Variants in BNIP5 observed in about 807,000 individuals in gnomAD.
BNIP5 encodes the protein BCL2 interacting protein 5.
In BNIP5, 61 loss-of-function variants were observed where a neutral mutation model predicts 67.3. That is an observed-to-expected ratio of 0.91 (90% confidence interval 0.74 to 1.12). The LOEUF is 1.12. Among genes scored for constraint, BNIP5 ranks in the 50% most tolerant of loss-of-function variants. The pLI is 0.00. For synonymous variants in BNIP5, 317 were observed against 319.0 expected (o/e 0.99, Z 0.07); for missense variants, 826 against 816.3 (o/e 1.01, Z -0.14).
Position 36,317,267 on chromosome 6 carries a change from G to T in BNIP5, c.*89C>A. On this transcript the variant is annotated 3_prime_UTR_variant, in exon 12 of 12. Transcript: ENST00000437635. ...CCATCACGTTTGTGAAGCAGGGATT[G>T]GGACATCACAGAGCATCTTCAGGGT... The T allele has an allele frequency of 1.0e-6, 1 of 990,860 alleles. No homozygotes were observed. The highest frequency in any genetic ancestry group is 1.6e-6 in the Non-Finnish European group (1 of 610,804). The allele number at this position is 990,860 out of a possible 1,614,324, so 61.4% of individuals were successfully genotyped here.
At chr6:36,324,065 T>C (rs1771698514) in intron 7 of BNIP5, 64 bp downstream of exon 7, 1 of 1,233,418 alleles carries the variant, frequency 8.1e-7, no homozygotes. Flanking sequence ...GGGAAGTTGT[T>C]ACACCAGGCA....
intron 1 of BNIP5, among the ~76,000 whole-genome samples, chr6:36,333,383 G>T (rs1286023493): frequency 6.6e-6 from 1 of 152,224 alleles, no homozygotes; most frequent in Admixed American, 6.5e-5. Flanking sequence ...TTAGCAATAT[G>T]TATCTGTACC....
In BNIP5 at chr6:36,316,268, G is replaced by A. The variant is rs1771512336; in HGVS notation, c.*1088C>T. On this transcript the variant is annotated 3_prime_UTR_variant, in exon 12 of 12. Coordinates refer to ENST00000437635, the MANE Select transcript of BNIP5 (RefSeq NM_001010903.5). ...CATGTTCTGGGCAGTGTCCAAGGGA[G>A]CCGACTGTCTGTCTACAGTCTTGTC... 2.7e-6 allele frequency: 1 copy of A among 372,518 alleles called. No individual in the cohort carries two copies. Among genetic ancestry groups the A allele is most frequent in the Non-Finnish European group, 4.8e-6 (1 of 209,912 alleles). 23.1% of individuals were successfully genotyped at this position (372,518 alleles called of 1,614,324 possible).
intron 1 of BNIP5, among the ~76,000 whole-genome samples, chr6:36,335,373 CAG>C (rs966691380): frequency 2.6e-5 from 4 of 152,340 alleles, no homozygotes; most frequent in Admixed American, 6.5e-5. Flanking sequence ...CCCTGAGGGA[CAG>C]AGTGTGTGGC....
chr6:36,335,374 A>G (rs554968730), intron 1 of BNIP5, among the ~76,000 whole-genome samples: 1 of 152,350 alleles, frequency 6.6e-6, no homozygotes, highest in South Asian at 2.1e-4. Flanking sequence ...CCTGAGGGAC[A>G]GAGTGTGTGG....
intron 3 of BNIP5, among the ~76,000 whole-genome samples, chr6:36,327,763 A>G (rs1465279533): frequency 2.0e-5 from 3 of 151,904 alleles, no homozygotes; most frequent in Non-Finnish European, 4.4e-5. Flanking sequence ...GTCCTCTGCT[A>G]GGTGCCAGCT....
chr6:36,331,601 A>G (rs1420497752), intron 1 of BNIP5, among the ~76,000 whole-genome samples: 1 of 152,168 alleles, frequency 6.6e-6, no homozygotes, highest in Non-Finnish European at 1.5e-5. Flanking sequence ...ATATTCCACG[A>G]GGCAGCTCCG....
In BNIP5 at chr6:36,324,571, GATATTATATATATATATATATATAT is replaced by G. The variant is rs1448611538; in HGVS notation, c.1169-406_1169-382del. On this transcript the variant is annotated intron_variant, in intron 6 of 11. Coordinates refer to ENST00000437635, the MANE Select transcript of BNIP5 (RefSeq NM_001010903.5). ...TCCAGGTCTTTTCAGACCTGACGGT[GATATTATATATATATATATATATAT>G]ATATATATATATATATATATATATA... Among the ~76,000 whole-genome samples, 29 of 74,244 alleles carry G rather than the reference GATATTATATATATATATATATATAT, an allele frequency of 3.9e-4. 2 individuals are homozygous for G. The highest frequency in any genetic ancestry group is 5.5e-4 in the Admixed American group (3 of 5,462). 48.7% of individuals were successfully genotyped at this position (74,244 alleles called of 152,430 possible). A position where few individuals can be genotyped will look rare whatever the true frequency, so the allele number is the denominator to read the frequency against.
chr6:36,322,533 G>T (rs1771660000), intron 8 of BNIP5, 91 bp from the exon 9 acceptor site: 32 of 1,422,818 alleles, frequency 2.2e-5, no homozygotes, highest in Non-Finnish European at 2.9e-5. Context: ...CATAAGCAGG[G>T]GCTGGTTTCC....
chr6:36,326,394 G>T, intron 5 of BNIP5, 116 bp downstream of exon 5: 1 of 1,310,356 alleles, frequency 7.6e-7, no homozygotes, highest in Non-Finnish European at 1.0e-6. Context: ...AGGGCAGAGT[G>T]CAAAAGTCAG....
In BNIP5 at chr6:36,317,060, A is replaced by G. The variant is rs1201515979; in HGVS notation, c.*296T>C. 4.3e-6 allele frequency: 2 copies of G among 468,556 alleles called. No individual in the cohort carries two copies. Among genetic ancestry groups the G allele is most frequent in the Admixed American group, 3.8e-5 (1 of 26,102 alleles). The allele number at this position is 468,556 out of a possible 1,614,324, so 29.0% of individuals were successfully genotyped here. A position where few individuals can be genotyped will look rare whatever the true frequency, so the allele number is the denominator to read the frequency against. On this transcript the variant is annotated 3_prime_UTR_variant, in exon 12 of 12. Coordinates refer to ENST00000437635, the MANE Select transcript of BNIP5 (RefSeq NM_001010903.5). ...CTCCAAAGTCTGGAGAGGAGGGGGA[A>G]TGTGTAGAGGGTCATGCAGCAAGTC...
chr6:36,330,256 C>T lies in BNIP5; in HGVS notation c.435G>A (p.Arg145=). Residue 145 remains arginine, a synonymous_variant, in exon 2 of 12, where the codon AGG becomes AGA. Transcript: ENST00000437635. ...PLEAAGEPAL[R]KKAHHDKKPS... is the part of the protein sequence containing the mutation. ...GCTTCTTGTCGTGGTGGGCTTTCTT[C>T]CTGAGGGCTGGCTCCCCTGCTGCTT... 6.2e-7 allele frequency: 1 copy of T among 1,614,202 alleles called. No homozygotes were observed. The highest frequency in any genetic ancestry group is 8.5e-7 in the Non-Finnish European group (1 of 1,180,036).
chr6:36,320,853 G>C (rs1407268916), intron 10 of BNIP5, among the ~76,000 whole-genome samples: 1 of 152,210 alleles, frequency 6.6e-6, no homozygotes, highest in Non-Finnish European at 1.5e-5. Context: ...AAGGACGGGG[G>C]ACATGAGCCG....
rs746753805 is a variant in BNIP5 at position 36,330,105 on chromosome 6, C to T, written c.586G>A (p.Ala196Thr). Residue 196 changes from alanine (A) to threonine (T), a missense_variant, in exon 2 of 12, where the codon GCT becomes ACT. Physicochemically the swap from Ala to Thr is moderately conservative, Grantham distance 58 (BLOSUM62 0). Transcript: ENST00000437635. Reference protein sequence around the residue: ...KAAAALRSGEADLGPARRGGE... With the variant: ...KAAAALRSGETDLGPARRGGE... ...CCCCTGCGAGCTGGGCCCAGGTCAGCCTCCCCGGAGCGCAAGGCAGCAGCT... is the reference window on the plus strand; with the variant it reads ...CCCCTGCGAGCTGGGCCCAGGTCAGTCTCCCCGGAGCGCAAGGCAGCAGCT... 1.2e-6 allele frequency: 2 copies of T among 1,608,140 alleles called. No homozygotes were observed. The highest frequency in any genetic ancestry group is 3.3e-5 in the Admixed American group (2 of 59,830).
Position 36,319,384 on chromosome 6 carries a change from G to A in BNIP5, c.1895C>T (p.Thr632Ile), listed in dbSNP as rs1342551831. The A allele has an allele frequency of 3.7e-6, 6 of 1,614,102 alleles. No homozygotes were observed. The South Asian group carries it at 6.6e-5, about 18-fold the overall frequency. The change falls in exon 11 of 12, where the codon ACC becomes ATC. Residue 632 changes from threonine (T) to isoleucine (I), a missense_variant. By Grantham distance (89) the Thr-to-Ile change is moderately conservative. Coordinates refer to ENST00000437635, the MANE Select transcript of BNIP5 (RefSeq NM_001010903.5). ...CTGGTCCTCCCTGTATGGGAACTGG[G>A]TGCAATTGTAGTGGTCTCTTAGGCC... ...LMGLRDHYNC[T>I]QFPYREDQPN...
chr6:36,321,777 G>A (rs141968640), intron 9 of BNIP5, among the ~76,000 whole-genome samples: 5 of 152,272 alleles, frequency 3.3e-5, no homozygotes, highest in Admixed American at 6.5e-5. Flanking sequence ...GCGCGATCTC[G>A]CCTCACTGCA....
rs1343152236 is a variant in BNIP5, at chr6:36,330,184, A to G, written c.507T>C (p.Thr169=). The change falls in exon 2 of 12, where the codon ACT becomes ACC. Residue 169 remains threonine, a synonymous_variant. Coordinates refer to ENST00000437635, the MANE Select transcript of BNIP5 (RefSeq NM_001010903.5). ...QGHKKHAAEV[T]KAAQDQEARG... is the part of the protein sequence containing the mutation. ...TGGCCTCCTGGTCTTGAGCTGCCTT[A>G]GTCACCTCGGCCGCGTGTTTCTTGT... The G allele has an allele frequency of 1.2e-6, 2 of 1,613,866 alleles. No homozygotes were observed. Among genetic ancestry groups the G allele is most frequent in the African/African-American group, 2.7e-5 (2 of 74,886 alleles).
chr6:36,322,322 G>T lies in BNIP5; in HGVS notation c.1592C>A (p.Ala531Glu). 2 of 1,614,130 alleles carry T rather than the reference G, an allele frequency of 1.2e-6. No individual in the cohort carries two copies. The highest frequency in any genetic ancestry group is 1.7e-6 in the Non-Finnish European group (2 of 1,179,984). Residue 531 changes from alanine to glutamate, a missense_variant, in exon 9 of 12, where the codon GCA (alanine) becomes GAA (glutamate). Physicochemically the swap from Ala to Glu is moderately radical, Grantham distance 107. Transcript: ENST00000437635. ...GGGGTGTTACTGACTAGATTCACAT[G>T]CTCCACTCAGCTGAGGTGCCCCTTC... is the stretch of plus-strand genomic sequence containing the variant. Reference protein sequence around the residue: ...TPEGAPQLSGACESKEIIIQK... With the variant: ...TPEGAPQLSGECESKEIIIQK...
rs770264869 is a variant in BNIP5, at chr6:36,326,608, G to A, written c.938C>T (p.Ala313Val). Residue 313 changes from alanine to valine, a missense_variant, in exon 5 of 12, where the codon GCT becomes GTT. Ala to Val is a moderately conservative substitution (Grantham distance 64, BLOSUM62 0). Coordinates refer to ENST00000437635, the MANE Select transcript of BNIP5 (RefSeq NM_001010903.5). ...GGCCTCTGGACTGGAAACATCTGCA[G>A]CCCCCCTCTTGGCCTCCTCGGAGCC... ...KHGSEEAKRGAADVSSPEAWP... is the reference protein window; with the variant it reads ...KHGSEEAKRGVADVSSPEAWP... 4 of 1,614,248 alleles carry A rather than the reference G, an allele frequency of 2.5e-6. No homozygotes were observed. The highest frequency in any genetic ancestry group is 1.7e-6 in the Non-Finnish European group (2 of 1,180,046).
Sources: gnomAD v4.1 joint callset for allele counts (sites outside exome capture counted in the v4.1 genomes callset) on GRCh38, gnomAD v4.1.1 for gene constraint, MANE v1.5 for transcripts, NCBI Gene and HGNC (gene_info 2026-07-23, HGNC 2026-07-21) for gene names.